The following AFF3 variants were observed in gnomAD, a reference collection of about 807,000 sequenced individuals.
AFF3 encodes the protein AF4/FMR2 family member 3.
Under a neutral mutation model 129.7 loss-of-function variants are expected in AFF3, and 32 were observed. The ratio of observed to expected loss-of-function variants is 0.25; its 90% confidence interval spans 0.19 to 0.33. AFF3 has a LOEUF of 0.33. AFF3 is among the 10% of genes least tolerant of loss of function. The probability of loss-of-function intolerance (pLI) is 1.00; values close to 1 mark genes in which losing one functional copy is unlikely to be tolerated. For missense variants in AFF3, 1,373 were observed against 1,592.0 expected, an observed-to-expected ratio of 0.86 and a Z score of 2.34; for synonymous variants, 644 against 635.4, an observed-to-expected ratio of 1.01 and a Z score of -0.20.
chr2:99,837,314 T>C (rs749722675), intron 8 of AFF3, among the ~76,000 whole-genome samples, 163 bp downstream of exon 8: 12 of 152,120 alleles, frequency 7.9e-5, no homozygotes, highest in South Asian at 4.1e-4. Flanking sequence ...AGCTCCTAGA[T>C]TGTTAACAGA....
chr2:99,989,405 T>C (rs1279136507), intron 7 of AFF3, among the ~76,000 whole-genome samples: 1 of 152,270 alleles, frequency 6.6e-6, no homozygotes, highest in African/African-American at 2.4e-5. Context: ...ATCAGCTTTA[T>C]GGACATACAA....
chr2:99,838,341 T>C (rs376731392), intron 7 of AFF3, among the ~76,000 whole-genome samples: 21 of 152,144 alleles, frequency 1.4e-4, no homozygotes, highest in African/African-American at 4.1e-4. Context: ...AACCTGAGAG[T>C]AGATGTCACT....
intron 4 of AFF3, among the ~76,000 whole-genome samples, chr2:100,024,669 T>C (rs1199375356): frequency 6.6e-6 from 1 of 151,896 alleles, no homozygotes; most frequent in East Asian, 1.9e-4. Context: ...ACCAATGAAA[T>C]ATCCATTCTT....
intron 10 of AFF3, among the ~76,000 whole-genome samples, chr2:99,741,107 G>A (rs1464832048): frequency 6.6e-6 from 1 of 152,182 alleles, no homozygotes; most frequent in African/African-American, 2.4e-5. Flanking sequence ...AGATCAGATA[G>A]TTGTAGACAT....
At position 99,967,287 on chromosome 2, in the gene AFF3, A is replaced by AC. The variant is rs552622941; in HGVS notation, c.873+39344dup. On this transcript the variant is annotated intron_variant, in intron 7 of 24. Coordinates refer to ENST00000672756, the MANE Select transcript of AFF3 (RefSeq NM_001386135.1). ...CCCAATTTCTCTGCCTCTCTTGACCACCCCCCCGCCCCCAAGCACTTTAAT... is the reference window on the plus strand; with the variant it reads ...CCCAATTTCTCTGCCTCTCTTGACCACCCCCCCCGCCCCCAAGCACTTTAAT... Among the ~76,000 whole-genome samples the AC allele has an allele frequency of 5.0e-3, 526 of 105,460 alleles. 3 individuals are homozygous for AC. Among genetic ancestry groups the AC allele is most frequent in the African/African-American group, 0.018 (495 of 27,868 alleles). The allele number at this position is 105,460 out of a possible 152,430, so 69.2% of individuals were successfully genotyped here. A position where few individuals can be genotyped will look rare whatever the true frequency, so the allele number is the denominator to read the frequency against.
At chr2:99,884,308 T>C (rs1413392511) in intron 7 of AFF3, among the ~76,000 whole-genome samples, 2 of 152,228 alleles carry the variant, frequency 1.3e-5, no homozygotes, top group East Asian at 1.9e-4. Context: ...TCACGTACTT[T>C]CGTTGTACGG....
intron 10 of AFF3, among the ~76,000 whole-genome samples, chr2:99,735,723 C>G (rs1296908247): frequency 6.6e-6 from 1 of 152,170 alleles, no homozygotes; most frequent in East Asian, 1.9e-4. Context: ...GAATTCCTGA[C>G]CTCAATGGAT....
chr2:99,939,782 C>T (rs2106336604), intron 7 of AFF3, among the ~76,000 whole-genome samples: 1 of 152,270 alleles, frequency 6.6e-6, no homozygotes, highest in Admixed American at 6.5e-5. Flanking sequence ...GTAAAAAACG[C>T]AATCTGTATT....
intron 8 of AFF3, among the ~76,000 whole-genome samples, chr2:99,764,056 G>T (rs1453231077): frequency 2.6e-5 from 4 of 152,194 alleles, no homozygotes. Context: ...TTCAGTTCAG[G>T]TTTTGCAGAC....
chr2:99,620,413 G>C (rs181028545), intron 13 of AFF3, among the ~76,000 whole-genome samples: 7 of 152,312 alleles, frequency 4.6e-5, no homozygotes, highest in African/African-American at 1.7e-4. Context: ...AGGATCACTT[G>C]GGGCCAGGAG....
At chr2:99,937,097 T>C (rs139055698) in intron 7 of AFF3, among the ~76,000 whole-genome samples, 2,042 of 152,278 alleles carry the variant, frequency 0.013, 57 homozygotes, top group African/African-American at 0.047. Flanking sequence ...ATTTTGGATT[T>C]TGGATTTTTT....
chr2:99,989,773 C>T (rs922639418), intron 7 of AFF3, among the ~76,000 whole-genome samples: 1 of 152,104 alleles, frequency 6.6e-6, no homozygotes, highest in African/African-American at 2.4e-5. Flanking sequence ...AAAATTAATT[C>T]AAAATATGAT....
At chr2:99,843,051 T>A (rs1419685417) in intron 7 of AFF3, among the ~76,000 whole-genome samples, 1 of 152,238 alleles carries the variant, frequency 6.6e-6, no homozygotes, top group Admixed American at 6.5e-5. Flanking sequence ...TGTACACTCT[T>A]AAACACTCCT....
intron 7 of AFF3, among the ~76,000 whole-genome samples, chr2:99,975,691 T>C (rs142299723): frequency 1.4e-3 from 213 of 151,768 alleles, no homozygotes; most frequent in African/African-American, 4.8e-3. Context: ...CACATGAGCT[T>C]TGATGAGCAA....
At chr2:99,712,333 C>T (rs1341874516) in intron 11 of AFF3, among the ~76,000 whole-genome samples, 1 of 152,232 alleles carries the variant, frequency 6.6e-6, no homozygotes, top group Non-Finnish European at 1.5e-5. Flanking sequence ...ACTGGCTGAG[C>T]TCTTTCAGCC....
At chr2:99,836,883 T>C (rs889428410) in intron 8 of AFF3, among the ~76,000 whole-genome samples, 1 of 152,102 alleles carries the variant, frequency 6.6e-6, no homozygotes, top group Non-Finnish European at 1.5e-5. Flanking sequence ...GTCTGAATAT[T>C]TGGGAAAACA....
chr2:99,627,644 T>C (rs1258616484), intron 13 of AFF3, among the ~76,000 whole-genome samples: 2 of 152,248 alleles, frequency 1.3e-5, no homozygotes, highest in African/African-American at 4.8e-5. Context: ...ATGAAATCTT[T>C]GCCCATTCAT....
At chr2:99,936,844 C>T (rs564485238) in intron 7 of AFF3, among the ~76,000 whole-genome samples, 2 of 152,274 alleles carry the variant, frequency 1.3e-5, no homozygotes, top group East Asian at 3.9e-4. Context: ...GCTGAGACAC[C>T]AGCCCAAGGT....
chr2:99,890,121 T>C (rs1052196556), intron 7 of AFF3, among the ~76,000 whole-genome samples: 10 of 152,164 alleles, frequency 6.6e-5, no homozygotes, highest in Non-Finnish European at 1.3e-4. Context: ...AGACATTCTG[T>C]GTGAATTTGG....
Sources: allele counts gnomAD v4.1 joint callset (sites outside exome capture counted in the v4.1 genomes callset), GRCh38; gene constraint gnomAD v4.1.1; transcripts MANE v1.5; gene names NCBI Gene and HGNC (gene_info 2026-07-23, HGNC 2026-07-21).